ANKS1B: variants seen among roughly 807,000 people sequenced by gnomAD.
ANKS1B encodes ankyrin repeat and sterile alpha motif domain containing 1B, also known as ankyrin repeat and sterile alpha motif domain-containing protein 1B.
Under a neutral mutation model 148.3 loss-of-function variants are expected in ANKS1B, and 36 were observed. The ratio of observed to expected loss-of-function variants is 0.24; its 90% CI spans 0.19 to 0.32. ANKS1B has a LOEUF of 0.32. Ranked by LOEUF, ANKS1B falls within the 10% of genes least tolerant of loss-of-function variation. The probability of loss-of-function intolerance (pLI) is 1.00; values close to 1 mark genes in which losing one functional copy is unlikely to be tolerated. For missense variants in ANKS1B, 1,157 were observed against 1,542.6 expected (o/e 0.75, Z 4.19); for synonymous variants, 542 against 560.8 (o/e 0.97, Z 0.47).
intron 17 of ANKS1B, among the ~76,000 whole-genome samples, chr12:98,987,705 A>T (rs2099924280): frequency 7.5e-6 from 1 of 132,778 alleles, no homozygotes; most frequent in Non-Finnish European, 1.8e-5. Context: ...GAACTCAAAC[A>T]AAGACTATTA....
At chr12:99,373,832 T>C (rs1323748055) in intron 12 of ANKS1B, among the ~76,000 whole-genome samples, 1 of 152,174 alleles carries the variant, frequency 6.6e-6, no homozygotes, top group Non-Finnish European at 1.5e-5. Flanking sequence ...GTGGACTGGA[T>C]TAAAGAATGA....
intron 8 of ANKS1B, among the ~76,000 whole-genome samples, chr12:99,725,188 C>T (rs373819624): frequency 6.6e-6 from 1 of 151,944 alleles, no homozygotes; most frequent in African/African-American, 2.4e-5. Flanking sequence ...GGCTAAATGC[C>T]CCAGTTAAAA....
chr12:99,092,470 G>GAAA (rs5800375), intron 15 of ANKS1B, among the ~76,000 whole-genome samples: 80 of 116,666 alleles, frequency 6.9e-4, no homozygotes, highest in African/African-American at 1.8e-3. Context: ...CTGTGAAGCT[G>GAAA]AAAAAAAAAA....
intron 14 of ANKS1B, among the ~76,000 whole-genome samples, chr12:99,215,442 T>A (rs1473763941): frequency 6.6e-6 from 1 of 152,144 alleles, no homozygotes; most frequent in Non-Finnish European, 1.5e-5. Flanking sequence ...GTAGAGCCAC[T>A]GACAGCTTGT....
Position 99,131,623 on chromosome 12 carries a change from CT to C in ANKS1B, c.2526+22665del, listed in dbSNP as rs376514436. Among the ~76,000 whole-genome samples the C allele has an allele frequency of 8.5e-5, 13 of 152,338 alleles. No individual in the cohort carries two copies. The East Asian group carries it at 2.5e-3, about 29-fold the overall frequency. The stretch of plus-strand genomic sequence containing the variant: ...TTCAATAGATACAGGCCATTTCTCC[CT>C]GTCTCCTCCTATCTCCTCATCTTCT... On this transcript the variant is annotated intron_variant, in intron 15 of 26. Transcript: ENST00000683438.
intron 9 of ANKS1B, among the ~76,000 whole-genome samples, chr12:99,555,104 T>C (rs1217079875): frequency 6.6e-6 from 1 of 152,168 alleles, no homozygotes; most frequent in African/African-American, 2.4e-5. Context: ...TTGTGAGTAG[T>C]GCTGCAGTGA....
chr12:99,133,691 A>C (rs567842366), intron 15 of ANKS1B, among the ~76,000 whole-genome samples: 1 of 152,318 alleles, frequency 6.6e-6, no homozygotes, highest in Middle Eastern at 3.4e-3. Flanking sequence ...AAAGCTAAGA[A>C]GTTGTGGCCC....
At chr12:99,738,259 T>G (rs1160680180) in intron 8 of ANKS1B, among the ~76,000 whole-genome samples, 1 of 152,188 alleles carries the variant, frequency 6.6e-6, no homozygotes, top group Non-Finnish European at 1.5e-5. Flanking sequence ...GCACATATTC[T>G]TCAGTACTTA....
At chr12:99,721,801 CAGTT>C (rs2058115661) in intron 8 of ANKS1B, among the ~76,000 whole-genome samples, 1 of 152,174 alleles carries the variant, frequency 6.6e-6, no homozygotes, top group South Asian at 2.1e-4. Flanking sequence ...ATGTGCCAAA[CAGTT>C]AGTAAATGCA....
chr12:98,938,362 G>C (rs1173637351), intron 17 of ANKS1B, among the ~76,000 whole-genome samples: 1 of 152,106 alleles, frequency 6.6e-6, no homozygotes, highest in Non-Finnish European at 1.5e-5. Flanking sequence ...GTAGACACTG[G>C]TTTTCAACCC....
At chr12:99,734,188 G>T (rs868501511) in intron 8 of ANKS1B, among the ~76,000 whole-genome samples, 1 of 151,920 alleles carries the variant, frequency 6.6e-6, no homozygotes, top group Non-Finnish European at 1.5e-5. Flanking sequence ...CCTTGCTCTT[G>T]TGTCTCAAAT....
intron 1 of ANKS1B, among the ~76,000 whole-genome samples, chr12:99,963,222 T>C (rs917345089): frequency 1.3e-5 from 2 of 152,220 alleles, no homozygotes; most frequent in Non-Finnish European, 2.9e-5. Flanking sequence ...TGTAAATTTG[T>C]TTAAGTTCCT....
chr12:99,567,023 G>A (rs2097401844), intron 9 of ANKS1B, among the ~76,000 whole-genome samples: 1 of 152,150 alleles, frequency 6.6e-6, no homozygotes. Flanking sequence ...CTTTTCATCA[G>A]TCAGGAGTCT....
At chr12:99,903,208 G>A (rs899137043) in intron 1 of ANKS1B, among the ~76,000 whole-genome samples, 3 of 152,230 alleles carry the variant, frequency 2.0e-5, no homozygotes, top group Non-Finnish European at 2.9e-5. Context: ...GGTAATGACT[G>A]ATGACTTTAT....
chr12:98,754,988 A>G (rs1224767615), intron 25 of ANKS1B, among the ~76,000 whole-genome samples: 2 of 152,112 alleles, frequency 1.3e-5, no homozygotes, highest in African/African-American at 4.8e-5. Context: ...AGGATTGGAC[A>G]CTGTTACCTT....
At chr12:99,885,968 G>A (rs2092803823) in intron 1 of ANKS1B, among the ~76,000 whole-genome samples, 1 of 152,032 alleles carries the variant, frequency 6.6e-6, no homozygotes, top group South Asian at 2.1e-4. Flanking sequence ...AGTATTCCAT[G>A]GTGTATATAT....
intron 11 of ANKS1B, among the ~76,000 whole-genome samples, chr12:99,416,976 G>C (rs1435994411): frequency 6.6e-6 from 1 of 152,194 alleles, no homozygotes; most frequent in Non-Finnish European, 1.5e-5. Flanking sequence ...TTACTGGCAT[G>C]CAGTCAGGCC....
intron 22 of ANKS1B, among the ~76,000 whole-genome samples, chr12:98,785,341 G>A (rs1284272018): frequency 6.6e-5 from 10 of 152,120 alleles, no homozygotes; most frequent in Non-Finnish European, 1.2e-4. Flanking sequence ...ATGGTGGTGG[G>A]TGGCTGTAAT....
intron 10 of ANKS1B, among the ~76,000 whole-genome samples, chr12:99,465,199 A>G (rs1471998893): frequency 1.3e-5 from 2 of 152,238 alleles, no homozygotes; most frequent in Non-Finnish European, 2.9e-5. Context: ...ACTAAGCTTC[A>G]TAAGTGAAGG....
Sources: allele counts gnomAD v4.1 joint callset (sites outside exome capture counted in the v4.1 genomes callset), GRCh38; gene constraint gnomAD v4.1.1; transcripts MANE v1.5; gene names NCBI Gene and HGNC (gene_info 2026-07-23, HGNC 2026-07-21).